The following SLC24A2 variants were observed in gnomAD, a reference collection of about 807,000 sequenced individuals.
SLC24A2 encodes the protein solute carrier family 24 member 2.
A neutral mutation model predicts 62.0 loss-of-function variants in SLC24A2; 36 were observed. That is an observed-to-expected ratio of 0.58 (90% CI 0.44 to 0.77). SLC24A2 has a LOEUF of 0.77. Ranked by LOEUF, SLC24A2 falls within the 30% of genes least tolerant of loss-of-function variation. The pLI is 0.00. For missense variants in SLC24A2, 846 were observed against 817.9 expected (o/e 1.03, Z -0.42); for synonymous variants, 358 against 294.0 (o/e 1.22, Z -2.23).
chr9:20,001,183 C>T, the SLC24A2 span, among the ~76,000 whole-genome samples: 7 of 152,316 alleles, frequency 4.6e-5, no homozygotes, highest in East Asian at 1.9e-4. Context: ...GTCCCTGCTG[C>T]GCCACACATC....
At chr9:20,256,989 T>C in the SLC24A2 span, among the ~76,000 whole-genome samples, 12 of 152,120 alleles carry the variant, frequency 7.9e-5, no homozygotes, top group African/African-American at 2.9e-4. Flanking sequence ...AGTATTATTC[T>C]CTTTGCACAA....
chr9:19,907,954 T>G, the SLC24A2 span, among the ~76,000 whole-genome samples: 4 of 152,178 alleles, frequency 2.6e-5, no homozygotes, highest in Non-Finnish European at 5.9e-5. Context: ...AAGCTACCAA[T>G]GACTTTCTTC....
the SLC24A2 span, among the ~76,000 whole-genome samples, chr9:19,961,057 A>AG: frequency 6.9e-6 from 1 of 145,670 alleles, no homozygotes; most frequent in African/African-American, 2.6e-5. Context: ...TGTGTGAGTG[A>AG]GAGAAAGGAG....
chr9:19,830,245 CAT>C, the SLC24A2 span, among the ~76,000 whole-genome samples: 1 of 152,162 alleles, frequency 6.6e-6, no homozygotes, highest in Non-Finnish European at 1.5e-5. Context: ...TTTTGTTTCA[CAT>C]ATGTCAGGAT....
the SLC24A2 span, among the ~76,000 whole-genome samples, chr9:19,840,281 C>A: frequency 6.6e-6 from 1 of 152,240 alleles, no homozygotes; most frequent in South Asian, 2.1e-4. Context: ...AATTTACGAT[C>A]CTTATAACTG....
At chr9:20,068,047 T>C in the SLC24A2 span, among the ~76,000 whole-genome samples, 1 of 151,160 alleles carries the variant, frequency 6.6e-6, no homozygotes, top group Admixed American at 6.6e-5. Context: ...ACATCTGTTA[T>C]TTTTTGACTC....
At chr9:19,812,681 T>C in the SLC24A2 span, among the ~76,000 whole-genome samples, 9 of 152,320 alleles carry the variant, frequency 5.9e-5, no homozygotes, top group East Asian at 1.5e-3. Context: ...TGGCATATGG[T>C]ACTGTCTTTT....
At chr9:19,983,935 T>C in the SLC24A2 span, among the ~76,000 whole-genome samples, 1 of 152,220 alleles carries the variant, frequency 6.6e-6, no homozygotes, top group Non-Finnish European at 1.5e-5. Context: ...CAACTTACAA[T>C]GGTTAGACTT....
intron 7 of SLC24A2, among the ~76,000 whole-genome samples, chr9:19,550,636 T>G (rs748600286): frequency 1.3e-5 from 2 of 152,054 alleles, no homozygotes; most frequent in Non-Finnish European, 2.9e-5. Flanking sequence ...TTCCTTCTCC[T>G]TGAAGACAGA....
chr9:19,709,465 T>C (rs1026889527), intron 2 of SLC24A2, among the ~76,000 whole-genome samples: 57 of 152,092 alleles, frequency 3.7e-4, no homozygotes, highest in African/African-American at 1.1e-3. Flanking sequence ...CGTATGTTTA[T>C]TGCGGCACTA....
the SLC24A2 span, among the ~76,000 whole-genome samples, chr9:20,038,288 C>T: frequency 6.6e-6 from 1 of 152,204 alleles, no homozygotes; most frequent in Non-Finnish European, 1.5e-5. Flanking sequence ...AGACAGCCCT[C>T]ACAAGAGATG....
intron 2 of SLC24A2, among the ~76,000 whole-genome samples, chr9:19,733,015 C>T (rs1353029947): frequency 6.6e-6 from 1 of 151,634 alleles, no homozygotes; most frequent in African/African-American, 2.4e-5. Context: ...CCAATTGCTA[C>T]AGAGAAGAAA....
chr9:19,851,024 C>T, the SLC24A2 span, among the ~76,000 whole-genome samples: 19,888 of 44,708 alleles, frequency 0.44, 4,778 homozygotes, highest in Non-Finnish European at 0.53. Flanking sequence ...TATATATATA[C>T]ATATTTTTTT....
the SLC24A2 span, among the ~76,000 whole-genome samples, chr9:20,203,503 T>C: frequency 5.3e-5 from 8 of 152,150 alleles, no homozygotes; most frequent in African/African-American, 1.9e-4. Context: ...GAGGACTAGA[T>C]GACTTCTAAA....
At chr9:19,809,134 T>C in the SLC24A2 span, among the ~76,000 whole-genome samples, 1 of 152,222 alleles carries the variant, frequency 6.6e-6, no homozygotes, top group Non-Finnish European at 1.5e-5. Context: ...ATTATGTACA[T>C]GTATAACTTT....
chr9:19,557,378 T>C (rs1835147625), intron 7 of SLC24A2, among the ~76,000 whole-genome samples: 1 of 152,188 alleles, frequency 6.6e-6, no homozygotes, highest in South Asian at 2.1e-4. Flanking sequence ...TGGGGGTGTT[T>C]TACAAAGCTT....
intron 2 of SLC24A2, among the ~76,000 whole-genome samples, chr9:19,744,898 AAT>A (rs1369432689): frequency 6.6e-6 from 1 of 152,120 alleles, no homozygotes; most frequent in Non-Finnish European, 1.5e-5. Context: ...ATCCAACTTC[AAT>A]ATGTTTCCCA....
the SLC24A2 span, among the ~76,000 whole-genome samples, chr9:20,281,011 C>T: frequency 7.9e-5 from 12 of 152,274 alleles, no homozygotes; most frequent in African/African-American, 2.9e-4. Context: ...CTCACTGCAG[C>T]CTCGACTTCC....
At chr9:20,263,651 A>G in the SLC24A2 span, among the ~76,000 whole-genome samples, 2 of 152,292 alleles carry the variant, frequency 1.3e-5, no homozygotes, top group African/African-American at 4.8e-5. Context: ...GTCCTGAATC[A>G]CCATGCACTA....
Sources: allele counts gnomAD v4.1 joint callset (sites outside exome capture counted in the v4.1 genomes callset), GRCh38; gene constraint gnomAD v4.1.1; transcripts MANE v1.5; gene names NCBI Gene and HGNC (gene_info 2026-07-23, HGNC 2026-07-21).